The following RASGEF1A variants were observed in gnomAD, a reference collection of about 807,000 sequenced individuals.
RASGEF1A encodes the protein RasGEF domain family member 1A.
Under a neutral mutation model 56.4 loss-of-function variants are expected in RASGEF1A, and 18 were observed. The ratio of observed to expected loss-of-function variants is 0.32; its 90% CI spans 0.22 to 0.47. The LOEUF is 0.47. Among genes scored for constraint, RASGEF1A ranks in the 20% least tolerant of loss-of-function variants. The pLI, the probability that RASGEF1A is intolerant of heterozygous loss-of-function variation, is 1.00. For synonymous variants in RASGEF1A, 245 were observed against 242.6 expected (o/e 1.01, Z -0.09); for missense variants, 422 against 627.1 (o/e 0.67, Z 3.49).
intron 1 of RASGEF1A, among the ~76,000 whole-genome samples, chr10:43,218,839 C>G (rs1192174326): frequency 6.6e-6 from 1 of 152,260 alleles, no homozygotes; most frequent in Non-Finnish European, 1.5e-5. Context: ...ATAATTAAAG[C>G]TTTGTTACAG....
intron 1 of RASGEF1A, among the ~76,000 whole-genome samples, chr10:43,264,333 C>T (rs1385896504): frequency 6.6e-6 from 1 of 151,596 alleles, no homozygotes; most frequent in Non-Finnish European, 1.5e-5. Flanking sequence ...GCAGTGAGCC[C>T]TCTCTGGACC....
intron 1 of RASGEF1A, among the ~76,000 whole-genome samples, chr10:43,259,095 C>T (rs1477193647): frequency 6.6e-6 from 1 of 152,234 alleles, no homozygotes; most frequent in East Asian, 1.9e-4. Flanking sequence ...CAAAGCTCCT[C>T]ATGCCAGCAC....
At chr10:43,245,533 A>G (rs1840558260) in intron 1 of RASGEF1A, among the ~76,000 whole-genome samples, 1 of 152,202 alleles carries the variant, frequency 6.6e-6, no homozygotes, top group African/African-American at 2.4e-5. Context: ...CTCCTCAACA[A>G]AATATTAGCA....
chr10:43,218,735 C>A lies in RASGEF1A; in HGVS notation c.-6-12613G>T, dbSNP rs78764998. The stretch of plus-strand genomic sequence containing the variant: ...CAGGGCCTGGCCAAGGGCCTCAGGC[C>A]GGACTCCAACAAGGAGGCGGCTGCC... On this transcript the variant is annotated intron_variant, in intron 1 of 12. Transcript: ENST00000395810. Among the ~76,000 whole-genome samples, 1,278 of 152,384 alleles carry A rather than the reference C, an allele frequency of 8.4e-3. 53 individuals carry two copies. The East Asian group carries it at 0.096, about 12-fold the overall frequency.
Position 43,229,460 on chromosome 10 carries a change from G to A in RASGEF1A, c.-6-23338C>T, listed in dbSNP as rs115279570. Among the ~76,000 whole-genome samples, 882 of 152,294 alleles carry A rather than the reference G, an allele frequency of 5.8e-3. 9 individuals carry two copies. The highest frequency in any genetic ancestry group is 0.02 in the African/African-American group (828 of 41,566). ...GGGCAGGAGCAGAGGCAGGCTGGGC[G>A]CCGCCCACCGGGCAGTAGGTGCTCC... On this transcript the variant is annotated intron_variant, in intron 1 of 12. Coordinates refer to ENST00000395810, the MANE Select transcript of RASGEF1A (RefSeq NM_145313.4).
intron 1 of RASGEF1A, among the ~76,000 whole-genome samples, chr10:43,230,041 C>T (rs1245331336): frequency 2.6e-5 from 4 of 151,626 alleles, no homozygotes; most frequent in African/African-American, 9.7e-5. Context: ...CGGGATCGGC[C>T]GTGCCGGGGG....
chr10:43,263,484 T>C (rs763171050), intron 1 of RASGEF1A, among the ~76,000 whole-genome samples: 55 of 152,164 alleles, frequency 3.6e-4, no homozygotes, highest in Non-Finnish European at 7.8e-4. Flanking sequence ...GACAGCCACA[T>C]CTTTGCATCC....
At chr10:43,201,645 T>C (rs1327776357) in intron 4 of RASGEF1A, among the ~76,000 whole-genome samples, 163 bp downstream of exon 4, 2 of 152,176 alleles carry the variant, frequency 1.3e-5, no homozygotes, top group South Asian at 2.1e-4. Flanking sequence ...AGCTGAGCTG[T>C]CATCTGGGGG....
chr10:43,249,115 A>AAAAG (rs1840598383), intron 1 of RASGEF1A, among the ~76,000 whole-genome samples: 1 of 152,230 alleles, frequency 6.6e-6, no homozygotes, highest in Non-Finnish European at 1.5e-5. Flanking sequence ...GGAAAGCATA[A>AAAAG]AAAGCAATTG....
chr10:43,215,639 G>A (rs552286036), intron 1 of RASGEF1A, among the ~76,000 whole-genome samples: 104 of 152,300 alleles, frequency 6.8e-4, no homozygotes, highest in African/African-American at 2.4e-3. Flanking sequence ...GGGTGTTCCC[G>A]GAGCCCTATT....
intron 1 of RASGEF1A, among the ~76,000 whole-genome samples, chr10:43,264,919 G>A (rs536849410): frequency 4.6e-5 from 7 of 152,214 alleles, no homozygotes; most frequent in East Asian, 1.9e-4. Context: ...TGAAACCCAC[G>A]GTTCTATTGC....
intron 1 of RASGEF1A, among the ~76,000 whole-genome samples, chr10:43,246,898 C>G (rs1447741871): frequency 3.9e-5 from 6 of 152,136 alleles, no homozygotes; most frequent in Admixed American, 1.3e-4. Flanking sequence ...CATGTGCAGT[C>G]AAATTTTAAA....
chr10:43,225,176 CTG>C (rs1335291466), intron 1 of RASGEF1A, among the ~76,000 whole-genome samples: 1 of 115,682 alleles, frequency 8.6e-6, no homozygotes, highest in Admixed American at 1.2e-4. Flanking sequence ...GTCTCTGTGT[CTG>C]TGTGTGTCTC....
chr10:43,203,499 C>T, intron 2 of RASGEF1A, 79 bp from the exon 3 acceptor site: 1 of 1,447,738 alleles, frequency 6.9e-7, no homozygotes, highest in Non-Finnish European at 9.1e-7. Flanking sequence ...TTCACCTGGC[C>T]CGGCTGCCTC....
intron 1 of RASGEF1A, among the ~76,000 whole-genome samples, chr10:43,220,784 T>TA (rs61258525): frequency 0.17 from 23,683 of 138,640 alleles, 2,435 homozygotes; most frequent in East Asian, 0.52. Flanking sequence ...GACTCTGTCT[T>TA]AAAAAAAAAA....
intron 1 of RASGEF1A, among the ~76,000 whole-genome samples, chr10:43,249,884 C>G (rs190091870): frequency 4.0e-4 from 61 of 152,382 alleles, no homozygotes; most frequent in African/African-American, 1.4e-3. Context: ...GCTGCCTAAT[C>G]AGGGAAGGTG....
chr10:43,199,784 C>T lies in RASGEF1A; in HGVS notation c.757-16G>A. ...CCCCTCGGCACTGGAAAGGACACAG[C>T]AGGTCATAGGGGGCCTGGAGGACCA... On this transcript the variant is annotated splice_polypyrimidine_tract_variant and intron_variant, in intron 6 of 12. Coordinates refer to ENST00000395810, the MANE Select transcript of RASGEF1A (RefSeq NM_145313.4). 2.5e-6 allele frequency: 4 copies of T among 1,607,096 alleles called. No individual in the cohort carries two copies. Among genetic ancestry groups the T allele is most frequent in the Non-Finnish European group, 3.4e-6 (4 of 1,174,570 alleles).
At chr10:43,202,372 G>A (rs1325901553) in intron 3 of RASGEF1A, among the ~76,000 whole-genome samples, 1 of 152,174 alleles carries the variant, frequency 6.6e-6, no homozygotes, top group Non-Finnish European at 1.5e-5. Flanking sequence ...GAGGCGACGC[G>A]CTCCCGCGCC....
At chr10:43,239,923 AAAAGG>A (rs59100582) in intron 1 of RASGEF1A, among the ~76,000 whole-genome samples, 25,223 of 152,130 alleles carry the variant, frequency 0.17, 2,670 homozygotes, top group East Asian at 0.51. Flanking sequence ...CAGAAAGCTT[AAAAGG>A]AAAGTTTCAG....
Sources: allele counts gnomAD v4.1 joint callset (sites outside exome capture counted in the v4.1 genomes callset), GRCh38; gene constraint gnomAD v4.1.1; transcripts MANE v1.5; gene names NCBI Gene and HGNC (gene_info 2026-07-23, HGNC 2026-07-21).